Variants in ACVR1 observed in about 807,000 individuals in gnomAD.
ACVR1 encodes activin receptor type-1.
A neutral mutation model predicts 57.1 loss-of-function variants in ACVR1; 38 were observed. That is an observed-to-expected ratio of 0.67 (90% confidence interval 0.51 to 0.87). The LOEUF is 0.87. Ranked by LOEUF, ACVR1 falls within the 40% of genes least tolerant of loss-of-function variation. ACVR1 has a pLI of 0.00. For missense variants in ACVR1, 463 were observed against 638.2 expected (o/e 0.73, Z 2.96); for synonymous variants, 212 against 228.1 (o/e 0.93, Z 0.63).
chr2:157,807,866 T>TG (rs1559069064), intron 2 of ACVR1, among the ~76,000 whole-genome samples: 1 of 32,704 alleles, frequency 3.1e-5, no homozygotes. Flanking sequence ...GGGGGGGGGG[T>TG]GGGTATAAGA....
intron 9 of ACVR1, among the ~76,000 whole-genome samples, chr2:157,739,917 G>A (rs149068190): frequency 0.019 from 2,827 of 152,240 alleles, 80 homozygotes; most frequent in African/African-American, 0.061. Flanking sequence ...GGGTGTGGTC[G>A]TTCACGCCTG....
intron 3 of ACVR1, among the ~76,000 whole-genome samples, chr2:157,798,158 T>C (rs1323675262): frequency 6.6e-6 from 1 of 152,184 alleles, no homozygotes; most frequent in Non-Finnish European, 1.5e-5. Flanking sequence ...TCATGAATAA[T>C]CTTTGTAGAA....
chr2:157,870,418 C>A (rs146993382), intron 1 of ACVR1, among the ~76,000 whole-genome samples: 14 of 152,278 alleles, frequency 9.2e-5, no homozygotes, highest in African/African-American at 3.1e-4. Context: ...ATCAAGTATT[C>A]AAGATGAAAA....
chr2:157,839,587 C>A (rs1324658238), intron 1 of ACVR1, among the ~76,000 whole-genome samples: 1 of 152,198 alleles, frequency 6.6e-6, no homozygotes, highest in Non-Finnish European at 1.5e-5. Flanking sequence ...CAGCGACACT[C>A]TTTGATGTAA....
At chr2:157,782,675 T>C (rs1357275052) in intron 3 of ACVR1, among the ~76,000 whole-genome samples, 1 of 151,930 alleles carries the variant, frequency 6.6e-6, no homozygotes, top group African/African-American at 2.4e-5. Context: ...GCCCAACAGG[T>C]GATGATTCTT....
At chr2:157,757,913 G>A (rs920902873) in intron 9 of ACVR1, among the ~76,000 whole-genome samples, 3 of 151,272 alleles carry the variant, frequency 2.0e-5, no homozygotes, top group Admixed American at 1.3e-4. Context: ...AAAAGGAGAA[G>A]AAATGAAGGA....
chr2:157,737,378 A>T lies in ACVR1; in HGVS notation c.*153T>A. The T allele has an allele frequency of 6.9e-6, 7 of 1,017,556 alleles. No individual in the cohort carries two copies. The South Asian group carries it at 9.7e-5, about 14-fold the overall frequency. The allele number at this position is 1,017,556 out of a possible 1,614,324, so 63.0% of individuals were successfully genotyped here. On this transcript the variant is annotated 3_prime_UTR_variant, in exon 11 of 11. Coordinates refer to ENST00000434821, the MANE Select transcript of ACVR1 (RefSeq NM_001111067.4). The stretch of plus-strand genomic sequence containing the variant: ...TTAGGGTGGTTTTGATGTCTCCCCA[A>T]CACATGGCTGGGTACGACGTCTGCC...
chr2:157,818,001 C>CAAA (rs67822299), intron 2 of ACVR1, among the ~76,000 whole-genome samples: 4 of 125,130 alleles, frequency 3.2e-5, no homozygotes, highest in Non-Finnish European at 4.8e-5. Flanking sequence ...GACTCCGTCT[C>CAAA]AAAAAAAAAA....
intron 1 of ACVR1, among the ~76,000 whole-genome samples, chr2:157,872,317 C>T (rs1317814858): frequency 6.6e-6 from 1 of 152,224 alleles, no homozygotes; most frequent in African/African-American, 2.4e-5. Flanking sequence ...CCTGCTTTAA[C>T]TTAAATACTG....
intron 1 of ACVR1, among the ~76,000 whole-genome samples, chr2:157,871,740 A>G (rs1016314449): frequency 2.6e-5 from 4 of 152,236 alleles, no homozygotes; most frequent in Admixed American, 1.3e-4. Context: ...CTAGAAGCGC[A>G]CAGGAATAGT....
intron 1 of ACVR1, among the ~76,000 whole-genome samples, chr2:157,846,348 A>C (rs942875742): frequency 6.6e-6 from 1 of 152,224 alleles, no homozygotes; most frequent in Non-Finnish European, 1.5e-5. Flanking sequence ...TTACAGCAGC[A>C]GTGGCAAACT....
At chr2:157,863,867 CT>C (rs56669677) in intron 1 of ACVR1, among the ~76,000 whole-genome samples, 12,870 of 128,860 alleles carry the variant, frequency 0.1, 467 homozygotes, top group African/African-American at 0.17. Context: ...GGAGCAAATT[CT>C]TTTTTTTTTT....
chr2:157,747,398 T>C, intron 9 of ACVR1, among the ~76,000 whole-genome samples: 1 of 152,138 alleles, frequency 6.6e-6, no homozygotes, highest in East Asian at 1.9e-4. Flanking sequence ...CAAAAATGTC[T>C]ACAATAGGCC....
At chr2:157,855,303 T>C (rs1689478734) in intron 1 of ACVR1, among the ~76,000 whole-genome samples, 1 of 80,584 alleles carries the variant, frequency 1.2e-5, no homozygotes, top group African/African-American at 5.0e-5. Flanking sequence ...TGTGTGTGTG[T>C]GTGTGTATAT....
intron 2 of ACVR1, among the ~76,000 whole-genome samples, chr2:157,809,583 G>T (rs905613762): frequency 6.6e-6 from 1 of 151,898 alleles, no homozygotes; most frequent in Non-Finnish European, 1.5e-5. Context: ...AGAGACTGGA[G>T]AACGGATATA....
chr2:157,780,544 A>C lies in ACVR1; in HGVS notation c.124T>G (p.Cys42Gly). The change falls in exon 4 of 11, where the codon TGC becomes GGC. Residue 42 changes from cysteine (C) to glycine (G), a missense_variant. Physicochemically the swap from Cys to Gly is radical, Grantham distance 159. Around this residue, in one of 3 missense-constraint regions of ACVR1, gnomAD observed 203 missense variants for 235.5 expected, o/e 0.86. Transcript: ENST00000434821. ...LYMCVCEGLSCGNEDHCEGQQ... is the reference protein window; with the variant it reads ...LYMCVCEGLSGGNEDHCEGQQ... ...CCTTCACAGTGGTCCTCATTACCGC[A>C]GGAGAGACCTTCACACACACACATG... The C allele has an allele frequency of 6.2e-7, 1 of 1,614,008 alleles. No homozygotes were observed. Among genetic ancestry groups the C allele is most frequent in the Non-Finnish European group, 8.5e-7 (1 of 1,179,994 alleles).
chr2:157,850,978 A>G (rs1689278858), intron 1 of ACVR1, among the ~76,000 whole-genome samples: 1 of 152,204 alleles, frequency 6.6e-6, no homozygotes, highest in Admixed American at 6.5e-5. Flanking sequence ...AAGAAAAGTT[A>G]GCTTAGCAGA....
At chr2:157,784,838 G>A (rs527559696) in intron 3 of ACVR1, among the ~76,000 whole-genome samples, 6 of 152,342 alleles carry the variant, frequency 3.9e-5, no homozygotes, top group Admixed American at 2.0e-4. Flanking sequence ...GTCTAATGCC[G>A]GACTAGCAGA....
chr2:157,785,758 T>C (rs566176572), intron 3 of ACVR1, among the ~76,000 whole-genome samples: 30 of 152,284 alleles, frequency 2.0e-4, no homozygotes, highest in Middle Eastern at 6.8e-3. Flanking sequence ...TCAAAGAAGA[T>C]TGCATATAAA....
Sources: gnomAD v4.1 joint callset for allele counts (sites outside exome capture counted in the v4.1 genomes callset) on GRCh38, gnomAD v4.1.1 for gene constraint, gnomAD v4.1.1 regional missense constraint, MANE v1.5 for transcripts, NCBI Gene and HGNC (gene_info 2026-07-23, HGNC 2026-07-21) for gene names.